CFAP61: variants seen among roughly 807,000 people sequenced by gnomAD.
The protein encoded by CFAP61 is cilia and flagella associated protein 61, also known as cilia- and flagella-associated protein 61.
CFAP61 carries 107 observed loss-of-function variants against 135.6 expected under a neutral mutation model. That is an observed-to-expected ratio of 0.79 (90% CI 0.67 to 0.93). The LOEUF (loss-of-function observed/expected upper bound fraction) is 0.93, where lower values mean the gene tolerates loss of function less well. Ranked by LOEUF, CFAP61 falls within the 40% of genes least tolerant of loss-of-function variation. The probability of loss-of-function intolerance (pLI) is 0.00; values close to 1 mark genes in which losing one functional copy is unlikely to be tolerated. For missense variants in CFAP61, 1,507 were observed against 1,556.2 expected, an observed-to-expected ratio of 0.97 and a Z score of 0.53; for synonymous variants, 575 against 578.5, an observed-to-expected ratio of 0.99 and a Z score of 0.09.
intron 25 of CFAP61, among the ~76,000 whole-genome samples, chr20:20,327,862 A>T (rs189356028): frequency 6.6e-6 from 1 of 151,248 alleles, no homozygotes; most frequent in Admixed American, 6.6e-5. Context: ...GATTTCTTGC[A>T]AATCTTTCTT....
intron 26 of CFAP61, among the ~76,000 whole-genome samples, chr20:20,358,412 A>T (rs2059354140): frequency 6.6e-6 from 1 of 152,218 alleles, no homozygotes; most frequent in Non-Finnish European, 1.5e-5. Context: ...ACGCTATTTA[A>T]CCCAGTGTCA....
chr20:20,343,153 G>A (rs184840374), intron 26 of CFAP61, among the ~76,000 whole-genome samples: 300 of 152,220 alleles, frequency 2.0e-3, no homozygotes, highest in African/African-American at 6.5e-3. Context: ...CATCGCGCCC[G>A]ACCAGCTTAG....
intron 6 of CFAP61, among the ~76,000 whole-genome samples, chr20:20,088,485 C>T (rs1211097728): frequency 6.6e-6 from 1 of 152,086 alleles, no homozygotes; most frequent in Non-Finnish European, 1.5e-5. Context: ...AAAGGGGAGG[C>T]CCCTTATAAA....
chr20:20,233,444 C>T (rs1166628980), intron 18 of CFAP61, among the ~76,000 whole-genome samples: 2 of 152,270 alleles, frequency 1.3e-5, no homozygotes, highest in Non-Finnish European at 1.5e-5. Context: ...TGTGCAGGGC[C>T]GTCCTCCGAT....
At chr20:20,246,269 G>T (rs2050449463) in intron 19 of CFAP61, 54 bp downstream of exon 19, 1 of 1,101,308 alleles carries the variant, frequency 9.1e-7, no homozygotes, top group African/African-American at 1.5e-5. Flanking sequence ...TACTCTGTGT[G>T]CAGTCTATTT....
intron 18 of CFAP61, among the ~76,000 whole-genome samples, chr20:20,233,489 G>A (rs562323339): frequency 2.0e-5 from 3 of 152,200 alleles, no homozygotes; most frequent in African/African-American, 2.4e-5. Context: ...ACATCCACAG[G>A]GGGGCATATG....
At chr20:20,350,166 T>C (rs1308709171) in intron 26 of CFAP61, among the ~76,000 whole-genome samples, 2 of 152,150 alleles carry the variant, frequency 1.3e-5, no homozygotes, top group Non-Finnish European at 1.5e-5. Flanking sequence ...CTGGCATGGC[T>C]ATAATACAAA....
intron 1 of CFAP61, chr20:20,056,128 C>A: frequency 1.4e-6 from 1 of 735,444 alleles, no homozygotes; most frequent in African/African-American, 1.8e-5. Flanking sequence ...CTTCAGGAAG[C>A]CTATTGCGAG....
rs781025566 is a variant in CFAP61 at position 20,265,473 on chromosome 20, G to A, written c.2503+2343G>A. On this transcript the variant is annotated intron_variant, in intron 21 of 26. Coordinates refer to ENST00000245957, the MANE Select transcript of CFAP61 (RefSeq NM_015585.4). ...TTGCCCAGTTGTCAGGGATGGTGATGCTGTGGTGCCCCCTTAAAGGGAAAT... is the reference window on the plus strand; with the variant it reads ...TTGCCCAGTTGTCAGGGATGGTGATACTGTGGTGCCCCCTTAAAGGGAAAT... The A allele has an allele frequency of 1.0e-5, 8 of 779,792 alleles. No individual in the cohort carries two copies. In the Middle Eastern group the frequency reaches 6.8e-4, roughly 66 times the overall value. 48.3% of individuals were successfully genotyped at this position (779,792 alleles called of 1,614,324 possible).
Position 20,228,271 on chromosome 20 carries a change from C to T in CFAP61, c.1955C>T (p.Thr652Ile). The T allele has an allele frequency of 6.2e-7, 1 of 1,610,568 alleles. No individual in the cohort carries two copies. The highest frequency in any genetic ancestry group is 8.5e-7 in the Non-Finnish European group (1 of 1,177,208). Residue 652 changes from threonine (T) to isoleucine (I), a missense_variant, in exon 18 of 27, where the codon ACA becomes ATA. Thr to Ile is a moderately conservative substitution (Grantham distance 89). Transcript: ENST00000245957. ...KDPMSYALNH[T>I]NRKLTLEPKI... The stretch of plus-strand genomic sequence containing the variant: ...CAGATGAGTTATGCTTTAAACCATA[C>T]AAACAGAAAACTAACATTGGAACCT...
rs183836271 is a variant in CFAP61 at position 20,135,811 on chromosome 20, T to A, written c.860-7046T>A. On this transcript the variant is annotated intron_variant, in intron 8 of 26. Transcript: ENST00000245957. ...TGTTATAATAGTCTGTGCTTTTCTG[T>A]GTATTTACTGTTACCAATGAGTTTT... is the stretch of plus-strand genomic sequence containing the variant. Among the ~76,000 whole-genome samples, 3 of 152,328 alleles carry A rather than the reference T, an allele frequency of 2.0e-5. No individual in the cohort carries two copies. In the East Asian group the frequency reaches 5.8e-4, roughly 29 times the overall value.
intron 8 of CFAP61, among the ~76,000 whole-genome samples, chr20:20,131,201 T>G (rs2050500003): frequency 6.6e-6 from 1 of 151,804 alleles, no homozygotes; most frequent in African/African-American, 2.4e-5. Context: ...GGTAATAACC[T>G]GGGTGCTGTG....
chr20:20,172,789 A>G (rs889469491), intron 13 of CFAP61, among the ~76,000 whole-genome samples: 8 of 152,170 alleles, frequency 5.3e-5, no homozygotes, highest in Admixed American at 4.6e-4. Flanking sequence ...CTGACATATC[A>G]TTATCACCCA....
chr20:20,052,588 T>G lies in CFAP61; in HGVS notation c.-40T>G, dbSNP rs757058902. ...GAGTGCGGCGTCCTGGAGCTGCGGA[T>G]GAGGTGGGTAACGCCGTGCTGACTA... On this transcript the variant is annotated 5_prime_UTR_variant, in exon 1 of 27. An upstream start codon of the reference 5' UTR is lost. Coordinates refer to ENST00000245957, the MANE Select transcript of CFAP61 (RefSeq NM_015585.4). 1 of 1,613,790 alleles carries G rather than the reference T, an allele frequency of 6.2e-7. No homozygotes were observed. Among genetic ancestry groups the G allele is most frequent in the Non-Finnish European group, 8.5e-7 (1 of 1,179,860 alleles).
rs544205673 is a variant in CFAP61, at chr20:20,173,637, G to T, written c.1385+4177G>T. Among the ~76,000 whole-genome samples the T allele has an allele frequency of 1.4e-4, 21 of 152,132 alleles. No individual in the cohort carries two copies. In the East Asian group the frequency reaches 3.7e-3, roughly 27 times the overall value. The stretch of plus-strand genomic sequence containing the variant: ...TCTGTTGAATTTTTAAAAATCAGTG[G>T]GTGTGCAGTACTTTTGTGATAGAAA... On this transcript the variant is annotated intron_variant, in intron 13 of 26. Transcript: ENST00000245957.
At chr20:20,257,310 T>G (rs894384268) in intron 20 of CFAP61, among the ~76,000 whole-genome samples, 2 of 152,102 alleles carry the variant, frequency 1.3e-5, no homozygotes, top group Admixed American at 6.6e-5. Flanking sequence ...ATAATTGAGA[T>G]AGAAAAGAAA....
intron 17 of CFAP61, among the ~76,000 whole-genome samples, chr20:20,211,693 G>T (rs1475579340): frequency 6.6e-6 from 1 of 152,198 alleles, no homozygotes; most frequent in Non-Finnish European, 1.5e-5. Flanking sequence ...TACTTCTTGT[G>T]CTGTTCAATT....
In CFAP61 at chr20:20,270,537, C is replaced by T. The variant is rs149432520; in HGVS notation, c.2504-6629C>T. 4.3e-4 allele frequency among the ~76,000 whole-genome samples: 66 copies of T among 152,214 alleles called. 2 individuals are homozygous for T. The East Asian group carries it at 0.012, about 27-fold the overall frequency. ...AAATCAACTTAGTTTTCCTTTCCTG[C>T]GAAGTCATTTTACCTTTAATTACTT... is the stretch of plus-strand genomic sequence containing the variant. On this transcript the variant is annotated intron_variant, in intron 21 of 26. Transcript: ENST00000245957.
intron 17 of CFAP61, among the ~76,000 whole-genome samples, chr20:20,213,501 T>C (rs1327637773): frequency 1.3e-5 from 2 of 152,006 alleles, no homozygotes; most frequent in African/African-American, 4.8e-5. Context: ...TCCATGGCAG[T>C]TGGCCTCCCA....
Sources: allele counts gnomAD v4.1 joint callset (sites outside exome capture counted in the v4.1 genomes callset), GRCh38; gene constraint gnomAD v4.1.1; transcripts MANE v1.5; gene names NCBI Gene and HGNC (gene_info 2026-07-23, HGNC 2026-07-21).